ARHGEF3: variants seen among roughly 807,000 people sequenced by gnomAD.
The protein encoded by ARHGEF3 is Rho guanine nucleotide exchange factor 3, also known as 59.8 kDA protein.
Under a neutral mutation model 63.2 loss-of-function variants are expected in ARHGEF3, and 28 were observed. The ratio of observed to expected loss-of-function variants is 0.44; its 90% CI spans 0.33 to 0.61. ARHGEF3 has a LOEUF of 0.61. Ranked by LOEUF, ARHGEF3 falls within the 20% of genes least tolerant of loss-of-function variation. The pLI is 0.03. For missense variants in ARHGEF3, 533 were observed against 659.3 expected, an observed-to-expected ratio of 0.81 and a Z score of 2.10; for synonymous variants, 266 against 254.2, an observed-to-expected ratio of 1.05 and a Z score of -0.44.
chr3:57,059,402 G>T (rs1705099262), intron 1 of ARHGEF3, among the ~76,000 whole-genome samples: 1 of 150,258 alleles, frequency 6.7e-6, no homozygotes, highest in South Asian at 2.1e-4. Flanking sequence ...AACTCATAAT[G>T]TTTTTTAAAA....
intron 1 of ARHGEF3, among the ~76,000 whole-genome samples, chr3:56,801,143 C>T (rs1337387778): frequency 6.6e-6 from 1 of 152,218 alleles, no homozygotes; most frequent in Admixed American, 6.5e-5. Context: ...TTAGCCCCAG[C>T]CCCCCGGCTG....
intron 2 of ARHGEF3, among the ~76,000 whole-genome samples, chr3:57,020,348 G>A (rs1703203980): frequency 6.6e-6 from 1 of 152,132 alleles, no homozygotes; most frequent in African/African-American, 2.4e-5. Flanking sequence ...AAAGGGGATC[G>A]CTGGCCCAGA....
At chr3:56,897,961 G>T (rs1195226554) in intron 3 of ARHGEF3, among the ~76,000 whole-genome samples, 1 of 151,396 alleles carries the variant, frequency 6.6e-6, no homozygotes, top group Non-Finnish European at 1.5e-5. Flanking sequence ...GCTCACTGAA[G>T]CCTTGACCTC....
upstream of ARHGEF3, among the ~76,000 whole-genome samples, chr3:56,806,468 G>C (rs2037865517): frequency 6.6e-6 from 1 of 152,240 alleles, no homozygotes. Flanking sequence ...TTCAGAACTT[G>C]CCTTCGGCAT....
chr3:56,841,462 C>T (rs1300173276), intron 4 of ARHGEF3, among the ~76,000 whole-genome samples: 1 of 152,182 alleles, frequency 6.6e-6, no homozygotes, highest in Admixed American at 6.5e-5. Context: ...ACAGCTCACA[C>T]TCCCACTTTC....
chr3:57,000,310 C>CACACACACACACACACACA lies in ARHGEF3; in HGVS notation c.62+34777_62+34778insTGTGTGTGTGTGTGTGTGT, dbSNP rs1560120499. Among the ~76,000 whole-genome samples the CACACACACACACACACACA allele has an allele frequency of 9.6e-4, 134 of 139,254 alleles. 1 individual carries two copies. Among genetic ancestry groups the CACACACACACACACACACA allele is most frequent in the African/African-American group, 3.5e-3 (129 of 36,384 alleles). The allele number at this position is 139,254 out of a possible 152,430, so 91.4% of individuals were successfully genotyped here. ...AAGTCCTTTTTTTAGAGGGTAACTCCCACACACACACACACACACACACAC... is the reference window on the plus strand; with the variant it reads ...AAGTCCTTTTTTTAGAGGGTAACTCCACACACACACACACACACACACACACACACACACACACACACAC... On this transcript the variant is annotated intron_variant, in intron 2 of 12. Transcript: ENST00000338458.
At chr3:56,999,477 AC>A (rs1357403892) in intron 2 of ARHGEF3, among the ~76,000 whole-genome samples, 1 of 152,072 alleles carries the variant, frequency 6.6e-6, no homozygotes, top group Non-Finnish European at 1.5e-5. Context: ...TCCAAATATA[AC>A]CTTCGTGAAG....
chr3:56,933,869 T>A (rs2042478138), intron 3 of ARHGEF3, among the ~76,000 whole-genome samples: 1 of 151,972 alleles, frequency 6.6e-6, no homozygotes, highest in Admixed American at 6.6e-5. Context: ...TGGTGGGAGG[T>A]GATTGGATCA....
At chr3:56,818,919 G>GA (rs1434034167) in intron 4 of ARHGEF3, among the ~76,000 whole-genome samples, 1 of 152,042 alleles carries the variant, frequency 6.6e-6, no homozygotes, top group Non-Finnish European at 1.5e-5. Context: ...AGAAGGTAAC[G>GA]AAAAAAACTA....
At chr3:56,793,675 C>A (rs994194152) in intron 1 of ARHGEF3, among the ~76,000 whole-genome samples, 1 of 152,162 alleles carries the variant, frequency 6.6e-6, no homozygotes, top group Non-Finnish European at 1.5e-5. Flanking sequence ...TTGCCTTTTT[C>A]ATTTCTATAA....
At chr3:56,968,374 C>G (rs1446162954) in intron 2 of ARHGEF3, among the ~76,000 whole-genome samples, 2 of 99,488 alleles carry the variant, frequency 2.0e-5, no homozygotes, top group East Asian at 5.9e-4. Flanking sequence ...GGTCTTACTC[C>G]GTTGCCCAGG....
intron 2 of ARHGEF3, among the ~76,000 whole-genome samples, chr3:56,985,231 G>T (rs561071299): frequency 6.6e-6 from 1 of 152,206 alleles, no homozygotes; most frequent in Non-Finnish European, 1.5e-5. Context: ...TGGGACTATA[G>T]GTGCCCGCCA....
chr3:56,988,246 A>G (rs540772513), intron 2 of ARHGEF3, among the ~76,000 whole-genome samples: 1 of 152,292 alleles, frequency 6.6e-6, no homozygotes, highest in East Asian at 1.9e-4. Flanking sequence ...TCCCAGGTTC[A>G]AGTGATTCTC....
intron 3 of ARHGEF3, among the ~76,000 whole-genome samples, chr3:56,930,913 G>A (rs1318498731): frequency 6.6e-6 from 1 of 152,136 alleles, no homozygotes; most frequent in African/African-American, 2.4e-5. Flanking sequence ...AAGAAAGAGC[G>A]AATCGAGGAC....
intron 1 of ARHGEF3, among the ~76,000 whole-genome samples, chr3:56,800,038 TAA>T (rs2037563894): frequency 6.6e-6 from 1 of 152,362 alleles, no homozygotes; most frequent in South Asian, 2.1e-4. Context: ...TGACATGTGA[TAA>T]GTTTCATATT....
At chr3:56,793,033 G>T (rs1234141889) in intron 1 of ARHGEF3, among the ~76,000 whole-genome samples, 1 of 151,364 alleles carries the variant, frequency 6.6e-6, no homozygotes, top group African/African-American at 2.4e-5. Context: ...AGACAGAGTT[G>T]CACTCTGTTG....
chr3:56,737,372 G>T lies in ARHGEF3; in HGVS notation c.871-17C>A. 6.3e-7 allele frequency: 1 copy of T among 1,599,654 alleles called. No individual in the cohort carries two copies. The highest frequency in any genetic ancestry group is 8.5e-7 in the Non-Finnish European group (1 of 1,169,710). Reference sequence around the variant, plus strand: ...GATATTTATCTATGAAAACAAAGAGGAAAATTAAGTATGGAGGAAAGCAGC... The same window carrying T: ...GATATTTATCTATGAAAACAAAGAGTAAAATTAAGTATGGAGGAAAGCAGC... On this transcript the variant is annotated splice_polypyrimidine_tract_variant and intron_variant, in intron 7 of 9. Transcript: ENST00000296315.
At chr3:57,011,037 T>C (rs1702676774) in intron 2 of ARHGEF3, among the ~76,000 whole-genome samples, 1 of 152,164 alleles carries the variant, frequency 6.6e-6, no homozygotes, top group African/African-American at 2.4e-5. Context: ...GACTTTAGTA[T>C]GAGGGGAAAT....
intron 7 of ARHGEF3, among the ~76,000 whole-genome samples, chr3:56,740,350 A>C (rs1321170340): frequency 1.3e-5 from 2 of 152,160 alleles, no homozygotes; most frequent in Admixed American, 1.3e-4. Flanking sequence ...ATGTCAACCT[A>C]ATATTAAATG....
Sources: allele counts gnomAD v4.1 joint callset (sites outside exome capture counted in the v4.1 genomes callset), GRCh38; gene constraint gnomAD v4.1.1; transcripts MANE v1.5; gene names NCBI Gene and HGNC (gene_info 2026-07-23, HGNC 2026-07-21).